Variants in FGD6 observed in about 807,000 individuals in gnomAD.
FGD6 encodes FYVE, RhoGEF and PH domain-containing protein 6.
Under a neutral mutation model 149.4 loss-of-function variants are expected in FGD6, and 90 were observed. The observed-to-expected ratio is 0.60, with a 90% CI of 0.51 to 0.72. The LOEUF (loss-of-function observed/expected upper bound fraction) is 0.72, where lower values mean the gene tolerates loss of function less well. Among genes scored for constraint, FGD6 ranks in the 30% least tolerant of loss-of-function variants. The pLI, the probability that FGD6 is intolerant of heterozygous loss-of-function variation, is 0.00. For synonymous variants in FGD6, 527 were observed against 584.0 expected, an observed-to-expected ratio of 0.90 and a Z score of 1.41; for missense variants, 1,437 against 1,684.8, an observed-to-expected ratio of 0.85 and a Z score of 2.57.
At chr12:95,133,325 G>A (rs1879577253) in intron 8 of FGD6, among the ~76,000 whole-genome samples, 2 of 152,184 alleles carry the variant, frequency 1.3e-5, no homozygotes, top group South Asian at 2.1e-4. Flanking sequence ...GGCTGAGGCA[G>A]GAGAATCGCT....
Position 95,217,384 on chromosome 12 carries a change from GCCACACAAA to G in FGD6, c.-153_-145del. The G allele has an allele frequency of 7.8e-7, 1 of 1,285,206 alleles. No homozygotes were observed. Among genetic ancestry groups the G allele is most frequent in the Non-Finnish European group, 1.0e-6 (1 of 975,032 alleles). 79.6% of individuals were successfully genotyped at this position (1,285,206 alleles called of 1,614,324 possible). On this transcript the variant is annotated 5_prime_UTR_variant, in exon 1 of 21. Transcript: ENST00000343958. ...CGCCGCCCCGCGGCGCAGCCTGAGC[GCCACACAAA>G]GGACGCGGCCGACTCTAGCGACCCT... is the stretch of plus-strand genomic sequence containing the variant.
chr12:95,201,999 C>T (rs1472742214), intron 2 of FGD6, among the ~76,000 whole-genome samples: 1 of 142,320 alleles, frequency 7.0e-6, no homozygotes, highest in Admixed American at 7.1e-5. Context: ...CACACACACA[C>T]ATCTTCTTCT....
chr12:95,088,297 G>T lies in FGD6; in HGVS notation c.3978+1272C>A, dbSNP rs201578007. Among the ~76,000 whole-genome samples, 5 of 152,132 alleles carry T rather than the reference G, an allele frequency of 3.3e-5. No homozygotes were observed. The East Asian group carries it at 9.7e-4, about 29-fold the overall frequency. The stretch of plus-strand genomic sequence containing the variant: ...TTTGGGTACACTGTATACTGCTCAG[G>T]TGATGGGTGCACTAAAATCTTAGAC... On this transcript the variant is annotated intron_variant, in intron 18 of 20. Transcript: ENST00000343958.
At chr12:95,140,017 G>A (rs1879798627) in intron 6 of FGD6, among the ~76,000 whole-genome samples, 1 of 152,106 alleles carries the variant, frequency 6.6e-6, no homozygotes, top group African/African-American at 2.4e-5. Context: ...CTACGGCTAT[G>A]TATTAATTGC....
chr12:95,155,319 G>A (rs1436476906), intron 3 of FGD6, among the ~76,000 whole-genome samples: 1 of 152,154 alleles, frequency 6.6e-6, no homozygotes, highest in Non-Finnish European at 1.5e-5. Context: ...CTGAGGTCAG[G>A]AGTTCGAGAC....
At position 95,093,827 on chromosome 12, in the gene FGD6, G is replaced by A. The variant is rs1332400665; in HGVS notation, c.3600+765C>T. On this transcript the variant is annotated intron_variant, in intron 15 of 20. Coordinates refer to ENST00000343958, the MANE Select transcript of FGD6 (RefSeq NM_018351.4). The stretch of plus-strand genomic sequence containing the variant: ...TTGCACCACTGCACTCCAGCCTGGC[G>A]ACAGAGCAATACTCCATCTCAACAA... Among the ~76,000 whole-genome samples, 8 of 144,344 alleles carry A rather than the reference G, an allele frequency of 5.5e-5. 1 individual carries two copies. In the South Asian group the frequency reaches 6.7e-4, roughly 12 times the overall value. 94.7% of individuals were successfully genotyped at this position (144,344 alleles called of 152,430 possible). A position where few individuals can be genotyped will look rare whatever the true frequency, so the allele number is the denominator to read the frequency against.
chr12:95,085,696 TA>T, intron 19 of FGD6, 83 bp downstream of exon 19: 1 of 1,430,616 alleles, frequency 7.0e-7, no homozygotes, highest in Admixed American at 2.4e-5. Context: ...TTATGTAAAA[TA>T]AATGGATTTT....
At chr12:95,187,769 A>C (rs1290541335) in intron 2 of FGD6, among the ~76,000 whole-genome samples, 1 of 152,158 alleles carries the variant, frequency 6.6e-6, no homozygotes, top group Admixed American at 6.6e-5. Flanking sequence ...CAGTGAGGTC[A>C]TGTGAGCCAC....
chr12:95,169,320 T>G (rs900505225), intron 3 of FGD6, among the ~76,000 whole-genome samples: 1 of 151,578 alleles, frequency 6.6e-6, no homozygotes, highest in Admixed American at 6.6e-5. Context: ...ATGCTTGAGA[T>G]GATGAAAAAA....
intron 8 of FGD6, among the ~76,000 whole-genome samples, chr12:95,132,638 G>C (rs1879555799): frequency 6.6e-6 from 1 of 152,092 alleles, no homozygotes; most frequent in Non-Finnish European, 1.5e-5. Context: ...TGTAGTCCCA[G>C]CTACTCGGGA....
intron 8 of FGD6, among the ~76,000 whole-genome samples, chr12:95,126,706 G>C (rs1592843335): frequency 2.7e-5 from 4 of 148,786 alleles, no homozygotes; most frequent in African/African-American, 1.0e-4. Context: ...ACTCCAGCCT[G>C]GGCGACAGAG....
chr12:95,143,927 T>C (rs1193980382), intron 5 of FGD6, among the ~76,000 whole-genome samples: 1 of 152,200 alleles, frequency 6.6e-6, no homozygotes, highest in Non-Finnish European at 1.5e-5. Flanking sequence ...GAGTAAGTAA[T>C]GGCTATATTT....
chr12:95,188,277 GA>G (rs1011807451), intron 2 of FGD6, among the ~76,000 whole-genome samples: 2 of 151,704 alleles, frequency 1.3e-5, no homozygotes, highest in African/African-American at 4.8e-5. Context: ...TGAAGGCACA[GA>G]AAAAAAATGG....
intron 14 of FGD6, among the ~76,000 whole-genome samples, chr12:95,101,977 CG>C (rs1878453366): frequency 6.6e-6 from 1 of 151,716 alleles, no homozygotes; most frequent in Admixed American, 6.6e-5. Flanking sequence ...CACTTAGCAC[CG>C]GCCTTGTTCT....
chr12:95,114,632 T>C (rs1878952550), intron 8 of FGD6, among the ~76,000 whole-genome samples: 1 of 152,164 alleles, frequency 6.6e-6, no homozygotes, highest in African/African-American at 2.4e-5. Flanking sequence ...ATATGGTATA[T>C]AGTAGTTCTT....
intron 8 of FGD6, 124 bp downstream of exon 8, chr12:95,134,615 C>G (rs1183457877): frequency 1.1e-5 from 9 of 802,774 alleles, no homozygotes; most frequent in Middle Eastern, 3.3e-4. Context: ...TACAAATCCA[C>G]GTATTAGGCA....
rs150289999 is a variant in FGD6 at position 95,161,955 on chromosome 12, A to T, written c.2587-8962T>A. Among the ~76,000 whole-genome samples, 922 of 151,682 alleles carry T rather than the reference A, an allele frequency of 6.1e-3. 21 individuals are homozygous for T. Among genetic ancestry groups the T allele is most frequent in the Non-Finnish European group, 3.8e-3 (259 of 67,894 alleles). On this transcript the variant is annotated intron_variant, in intron 3 of 20. Transcript: ENST00000343958. The stretch of plus-strand genomic sequence containing the variant: ...TTCTGATTGTGTAGGTCTAAAATGG[A>T]GCATTAAAAGTAGGTGTTAGAAGAA...
chr12:95,206,942 C>T (rs2056695759), intron 2 of FGD6, among the ~76,000 whole-genome samples: 1 of 151,484 alleles, frequency 6.6e-6, no homozygotes, highest in South Asian at 2.1e-4. Flanking sequence ...ATTTACTTTA[C>T]TTGGTACGCT....
intron 13 of FGD6, among the ~76,000 whole-genome samples, chr12:95,105,632 C>A (rs1007039901): frequency 6.6e-6 from 1 of 152,224 alleles, no homozygotes; most frequent in African/African-American, 2.4e-5. Context: ...ATATCTTCCA[C>A]CAAACCCATT....
Sources: allele counts gnomAD v4.1 joint callset (sites outside exome capture counted in the v4.1 genomes callset), GRCh38; gene constraint gnomAD v4.1.1; transcripts MANE v1.5; gene names NCBI Gene and HGNC (gene_info 2026-07-23, HGNC 2026-07-21).